HTT: variants seen among roughly 807,000 people sequenced by gnomAD.
The protein encoded by HTT is huntington disease protein.
HTT carries 104 observed loss-of-function variants against 362.3 expected under a neutral mutation model. That is an observed-to-expected ratio of 0.29 (90% CI 0.24 to 0.34). The LOEUF is 0.34. Among genes scored for constraint, HTT ranks in the 10% least tolerant of loss-of-function variants. The probability of loss-of-function intolerance (pLI) is 1.00; values close to 1 mark genes in which losing one functional copy is unlikely to be tolerated. For synonymous variants in HTT, 1,577 were observed against 1,548.7 expected (o/e 1.02, Z -0.43); for missense variants, 3,301 against 3,928.6 (o/e 0.84, Z 4.27).
chr4:3,198,926 G>A (rs551534950), intron 40 of HTT, among the ~76,000 whole-genome samples: 5 of 152,330 alleles, frequency 3.3e-5, no homozygotes, highest in East Asian at 1.9e-4. Flanking sequence ...AGCCTGGACC[G>A]CAGGGGGGTC....
At chr4:3,234,795 C>T (rs1030433855) in intron 61 of HTT, among the ~76,000 whole-genome samples, 1 of 152,220 alleles carries the variant, frequency 6.6e-6, no homozygotes, top group Non-Finnish European at 1.5e-5. Flanking sequence ...GTATTGGCTC[C>T]TCTGTTCACA....
chr4:3,199,662 A>G, intron 40 of HTT, 70 bp from the exon 41 acceptor site: 1 of 1,382,278 alleles, frequency 7.2e-7, no homozygotes, highest in South Asian at 1.2e-5. Context: ...TTTATGTAAA[A>G]TCTTCGCGTA....
At chr4:3,118,591 TG>T (rs1033941411) in intron 8 of HTT, among the ~76,000 whole-genome samples, 2 of 152,218 alleles carry the variant, frequency 1.3e-5, no homozygotes, top group African/African-American at 4.8e-5. Context: ...GGGTGGGTCC[TG>T]AAAAGGCCTG....
At chr4:3,163,558 T>C (rs1040072883) in intron 29 of HTT, among the ~76,000 whole-genome samples, 2 of 152,082 alleles carry the variant, frequency 1.3e-5, no homozygotes, top group African/African-American at 4.8e-5. Flanking sequence ...TCCTGGACTT[T>C]TTTTGGTTAG....
At chr4:3,181,122 T>G (rs66684864) in intron 36 of HTT, among the ~76,000 whole-genome samples, 36,707 of 151,704 alleles carry the variant, frequency 0.24, 5,698 homozygotes, top group East Asian at 0.4. Flanking sequence ...CCTCAAGTGA[T>G]CCTCCTGCCT....
intron 40 of HTT, among the ~76,000 whole-genome samples, chr4:3,193,139 G>A (rs762150169): frequency 1.3e-5 from 2 of 152,238 alleles, no homozygotes; most frequent in Non-Finnish European, 1.5e-5. Context: ...GGGCCCGGCC[G>A]CACGGCGCCA....
chr4:3,113,002 T>C, intron 6 of HTT: 1 of 968,512 alleles, frequency 1.0e-6, no homozygotes, highest in Non-Finnish European at 1.2e-6. Context: ...TACCCTTGGC[T>C]CTGAAGTTTA....
chr4:3,212,381 C>G (rs1015667361), intron 48 of HTT, among the ~76,000 whole-genome samples, 183 bp from the exon 49 acceptor site: 1 of 152,210 alleles, frequency 6.6e-6, no homozygotes, highest in Non-Finnish European at 1.5e-5. Context: ...GAAGGCTGGG[C>G]CAGACCTCAG....
chr4:3,219,283 G>T (rs1008375416), intron 52 of HTT, among the ~76,000 whole-genome samples: 2 of 152,154 alleles, frequency 1.3e-5, no homozygotes, highest in African/African-American at 2.4e-5. Context: ...GGAGGGGCTC[G>T]TGGAGACCAT....
chr4:3,137,606 G>A (rs917744587), intron 21 of HTT, among the ~76,000 whole-genome samples: 1 of 152,230 alleles, frequency 6.6e-6, no homozygotes, highest in African/African-American at 2.4e-5. Context: ...GGCTGAGGCA[G>A]GAGAATCACT....
chr4:3,164,013 A>T (rs1011221031), intron 29 of HTT, among the ~76,000 whole-genome samples: 1 of 151,136 alleles, frequency 6.6e-6, no homozygotes, highest in East Asian at 1.9e-4. Context: ...TTTAATTGTG[A>T]TGTTAGGGTG....
chr4:3,206,963 C>T lies in HTT; in HGVS notation c.6055C>T (p.Leu2019Phe), dbSNP rs749152360. 6.2e-7 allele frequency: 1 copy of T among 1,609,136 alleles called. No individual in the cohort carries two copies. The highest frequency in any genetic ancestry group is 1.3e-5 in the African/African-American group (1 of 74,578). Reference protein sequence around the residue: ...DILACRRVEMLLAANLQSSMA... With the variant: ...DILACRRVEMFLAANLQSSMA... ...CCTTGCTTGTCGCCGGGTAGAAATG[C>T]TTCTGGCTGCAAATTTACAGGTATT... The change falls in exon 44 of 67, where the codon CTT (leucine) becomes TTT (phenylalanine). Residue 2019 changes from leucine to phenylalanine, a missense_variant. Around this residue, in one of 4 missense-constraint regions of HTT, gnomAD observed 2,316 missense variants for 2,658.5 expected, o/e 0.87. Transcript: ENST00000355072. This position sits in a 1 kb window ranked among gnomAD's most constrained non-coding sequence, Gnocchi z 4.6.
chr4:3,238,369 A>G (rs946902084), intron 64 of HTT, 78 bp from the exon 65 acceptor site: 21 of 1,102,672 alleles, frequency 1.9e-5, no homozygotes, highest in Non-Finnish European at 2.6e-5. Flanking sequence ...CCCCAGTATT[A>G]GAGCCAAGGC....
At chr4:3,237,983 A>C (rs1350752311) in intron 64 of HTT, among the ~76,000 whole-genome samples, 1 of 152,208 alleles carries the variant, frequency 6.6e-6, no homozygotes, top group East Asian at 1.9e-4. Flanking sequence ...AGCAGCAAAA[A>C]CATAATGGGA....
chr4:3,176,900 G>C (rs1718268504), intron 33 of HTT, among the ~76,000 whole-genome samples: 1 of 152,198 alleles, frequency 6.6e-6, no homozygotes, highest in Non-Finnish European at 1.5e-5. Flanking sequence ...AGGGAATACA[G>C]TGTGACACAA....
At chr4:3,219,626 C>T (rs897324219) in intron 52 of HTT, among the ~76,000 whole-genome samples, 4 of 152,152 alleles carry the variant, frequency 2.6e-5, no homozygotes, top group Admixed American at 2.0e-4. Flanking sequence ...CCTTTGTCAC[C>T]TCACTGAAGG....
chr4:3,184,737 G>T (rs1578569332), intron 37 of HTT, among the ~76,000 whole-genome samples: 1 of 152,096 alleles, frequency 6.6e-6, no homozygotes, highest in Non-Finnish European at 1.5e-5. Context: ...AGCATCAGGT[G>T]TATGAGCCTG....
At chr4:3,127,934 A>T (rs557260247) in intron 12 of HTT, among the ~76,000 whole-genome samples, 5 of 151,826 alleles carry the variant, frequency 3.3e-5, no homozygotes, top group Non-Finnish European at 5.9e-5. Context: ...ACTGCACTCC[A>T]GCCCGGGCAA....
chr4:3,121,510 C>A, intron 9 of HTT, 78 bp downstream of exon 9: 2 of 952,378 alleles, frequency 2.1e-6, no homozygotes, highest in Non-Finnish European at 1.6e-6. Flanking sequence ...ATGGGCCTGC[C>A]CTGTGCTAAG....
Sources: gnomAD v4.1 joint callset for allele counts (sites outside exome capture counted in the v4.1 genomes callset) on GRCh38, gnomAD v4.1.1 for gene constraint, gnomAD v4.1.1 regional missense constraint, Gnocchi (gnomAD v3.1) non-coding constraint, MANE v1.5 for transcripts, NCBI Gene and HGNC (gene_info 2026-07-23, HGNC 2026-07-21) for gene names.